Variants in DHRSX observed in about 807,000 individuals in gnomAD.
DHRSX encodes the protein polyprenol dehydrogenase.
In DHRSX, 31 loss-of-function variants were observed where a neutral mutation model predicts 34.0. That is an observed-to-expected ratio of 0.91 (90% confidence interval 0.69 to 1.23). The LOEUF (loss-of-function observed/expected upper bound fraction) is 1.23. Ranked by LOEUF, DHRSX falls within the 50% of genes most tolerant of loss-of-function variation. The probability of loss-of-function intolerance (pLI) is 0.00; values close to 1 mark genes in which losing one functional copy is unlikely to be tolerated. For synonymous variants in DHRSX, 201 were observed against 183.8 expected (o/e 1.09, Z -0.76); for missense variants, 414 against 428.1 (o/e 0.97, Z 0.29).
intron 1 of DHRSX, among the ~76,000 whole-genome samples, chrX:2,442,478 A>G (rs28580748): frequency 0.032 from 4,844 of 151,608 alleles, 141 homozygotes; most frequent in Middle Eastern, 0.088. Flanking sequence ...GTGTGTATAT[A>G]TATATATTCA....
chrX:2,444,931 C>T (rs1169505768), intron 1 of DHRSX, among the ~76,000 whole-genome samples: 1 of 152,070 alleles, frequency 6.6e-6, no homozygotes, highest in Non-Finnish European at 1.5e-5. Context: ...CCGAGGCGGG[C>T]AGATCACCTG....
intron 1 of DHRSX, chrX:2,486,638 G>A (rs2044940073): frequency 6.6e-6 from 1 of 152,232 alleles, no homozygotes; most frequent in Non-Finnish European, 1.5e-5. Flanking sequence ...GCCCACGGAG[G>A]CGTGGGCTGC....
chrX:2,350,025 ACT>A (rs2042770595), intron 3 of DHRSX, among the ~76,000 whole-genome samples: 1 of 137,900 alleles, frequency 7.3e-6, no homozygotes, highest in African/African-American at 2.7e-5. Context: ...GGCGACAGAG[ACT>A]CTGTCTCAAG....
intron 1 of DHRSX, among the ~76,000 whole-genome samples, chrX:2,483,273 A>T (rs966086164): frequency 2.6e-5 from 4 of 151,586 alleles, no homozygotes; most frequent in Non-Finnish European, 5.9e-5. Context: ...TATTATTATT[A>T]TTTTTAGAGG....
intron 3 of DHRSX, among the ~76,000 whole-genome samples, chrX:2,321,804 C>A (rs2042315165): frequency 6.6e-6 from 1 of 152,162 alleles, no homozygotes; most frequent in East Asian, 1.9e-4. Context: ...CTACCTCTGC[C>A]ACCCCGGAGC....
chrX:2,302,715 T>TTA, intron 3 of DHRSX, among the ~76,000 whole-genome samples: 1 of 152,252 alleles, frequency 6.6e-6, no homozygotes, highest in East Asian at 1.9e-4. Context: ...CTGCAAGCTG[T>TTA]CTGTGGTGAG....
intron 3 of DHRSX, among the ~76,000 whole-genome samples, chrX:2,323,994 T>G (rs2042344747): frequency 7.1e-6 from 1 of 141,312 alleles, no homozygotes; most frequent in Non-Finnish European, 1.5e-5. Context: ...GAAGTTGAAG[T>G]TGCAGTGAGC....
chrX:2,252,178 A>G (rs2016449248), intron 5 of DHRSX, among the ~76,000 whole-genome samples: 3 of 152,162 alleles, frequency 2.0e-5, no homozygotes, highest in Non-Finnish European at 4.4e-5. Context: ...TAGAGGTTGC[A>G]GTGAGCTGAT....
intron 1 of DHRSX, chrX:2,488,645 C>T: frequency 6.2e-7 from 1 of 1,604,086 alleles, no homozygotes. Flanking sequence ...CTACAGGAAG[C>T]TGCTGTCCCT....
chrX:2,249,513 C>CTTTTTTTTTTTTTTTTTTTT lies in DHRSX; in HGVS notation c.597-6303_597-6284dup, dbSNP rs753035485. Reference sequence around the variant, plus strand: ...CCACCACGCTCAGCCCTTTTTGTGCCTTTTTTTTTTTTTTTTTTTTTTTTT... The same window carrying CTTTTTTTTTTTTTTTTTTTT: ...CCACCACGCTCAGCCCTTTTTGTGCCTTTTTTTTTTTTTTTTTTTTTTTTTTTTTTTTTTTTTTTTTTTTT... On this transcript the variant is annotated intron_variant, in intron 5 of 6. Transcript: ENST00000334651. Among the ~76,000 whole-genome samples, 3 of 70,166 alleles carry CTTTTTTTTTTTTTTTTTTTT rather than the reference C, an allele frequency of 4.3e-5. 1 individual carries two copies. Among genetic ancestry groups the CTTTTTTTTTTTTTTTTTTTT allele is most frequent in the African/African-American group, 1.4e-4 (3 of 21,030 alleles). 46.0% of individuals were successfully genotyped at this position (70,166 alleles called of 152,430 possible). A position where few individuals can be genotyped will look rare whatever the true frequency, so the allele number is the denominator to read the frequency against.
At chrX:2,313,579 GGATGGT>G (rs2042190026) in intron 3 of DHRSX, among the ~76,000 whole-genome samples, 1 of 151,912 alleles carries the variant, frequency 6.6e-6, no homozygotes, top group Non-Finnish European at 1.5e-5. Context: ...ATGTTGGCCA[GGATGGT>G]CTCGATCTCA....
chrX:2,426,816 C>T (rs1465194273), intron 1 of DHRSX, among the ~76,000 whole-genome samples: 3 of 149,486 alleles, frequency 2.0e-5, no homozygotes, highest in Admixed American at 6.8e-5. Context: ...TCCCTCTTTC[C>T]TTCCCTCCCT....
chrX:2,276,307 A>T (rs940462311), intron 4 of DHRSX, among the ~76,000 whole-genome samples: 27 of 152,336 alleles, frequency 1.8e-4, no homozygotes, highest in African/African-American at 6.3e-4. Context: ...CCCTGTGGCC[A>T]CGTCAGTGTA....
intron 6 of DHRSX, among the ~76,000 whole-genome samples, chrX:2,230,669 C>A (rs2015856230): frequency 6.6e-6 from 1 of 152,162 alleles, no homozygotes; most frequent in African/African-American, 2.4e-5. Flanking sequence ...AGAAGGCCTT[C>A]ACAGCAAACA....
At chrX:2,471,142 C>T (rs748026746) in intron 1 of DHRSX, among the ~76,000 whole-genome samples, 1 of 151,976 alleles carries the variant, frequency 6.6e-6, no homozygotes, top group Non-Finnish European at 1.5e-5. Flanking sequence ...AGGCAGAAAA[C>T]AAAACAAGTC....
At chrX:2,402,883 C>CTTTT (rs758977585) in intron 3 of DHRSX, among the ~76,000 whole-genome samples, 96 of 117,740 alleles carry the variant, frequency 8.2e-4, no homozygotes, top group African/African-American at 1.7e-3. Flanking sequence ...TAATTGGTTT[C>CTTTT]TTTTTTTTTT....
chrX:2,309,648 A>T lies in DHRSX; in HGVS notation c.287-18045T>A, dbSNP rs190525715. Among the ~76,000 whole-genome samples the T allele has an allele frequency of 7.3e-4, 111 of 152,248 alleles. 1 individual carries two copies. The East Asian group carries it at 0.02, about 28-fold the overall frequency. ...TCATCATGGCCAGGTGTGGTGGCTC[A>T]CCCTGTCACTGTAGCATTTTGAGAG... On this transcript the variant is annotated intron_variant, in intron 3 of 6. Transcript: ENST00000334651.
At chrX:2,464,647 G>A (rs930816271) in intron 1 of DHRSX, among the ~76,000 whole-genome samples, 5 of 151,972 alleles carry the variant, frequency 3.3e-5, no homozygotes, top group African/African-American at 1.2e-4. Flanking sequence ...GTGGCTAAGG[G>A]AAGGCAGCCA....
intron 1 of DHRSX, chrX:2,488,728 C>T (rs760406358): frequency 3.7e-6 from 6 of 1,613,852 alleles, no homozygotes; most frequent in Non-Finnish European, 4.2e-6. Context: ...CCCACTCCCC[C>T]TCGTCCTGGT....
Sources: allele counts gnomAD v4.1 joint callset (sites outside exome capture counted in the v4.1 genomes callset), GRCh38; gene constraint gnomAD v4.1.1; transcripts MANE v1.5; gene names NCBI Gene and HGNC (gene_info 2026-07-23, HGNC 2026-07-21).